The following CTIF variants were observed in gnomAD, a reference collection of about 807,000 sequenced individuals.
CTIF encodes cap binding complex dependent translation initiation factor.
CTIF carries 21 observed loss-of-function variants against 66.0 expected under a neutral mutation model. The ratio of observed to expected loss-of-function variants is 0.32; its 90% CI spans 0.23 to 0.46. CTIF has a LOEUF of 0.46. Ranked by LOEUF, CTIF falls within the 20% of genes least tolerant of loss-of-function variation. CTIF has a pLI of 1.00. For missense variants in CTIF, 739 were observed against 812.7 expected, an observed-to-expected ratio of 0.91 and a Z score of 1.10; for synonymous variants, 345 against 326.4, an observed-to-expected ratio of 1.06 and a Z score of -0.62.
chr18:48,670,633 C>T, intron 5 of CTIF, 36 bp from the exon 6 acceptor site: 1 of 1,583,052 alleles, frequency 6.3e-7, no homozygotes, highest in Non-Finnish European at 8.7e-7. Context: ...ATGAATGAGC[C>T]ATCTTTCCAA....
intron 1 of CTIF, among the ~76,000 whole-genome samples, chr18:48,564,401 G>A (rs1489634481): frequency 6.6e-6 from 1 of 152,186 alleles, no homozygotes; most frequent in Non-Finnish European, 1.5e-5. Context: ...ACCTGCTGCA[G>A]GCGGCCTTCG....
chr18:48,611,533 G>A (rs767579503), intron 1 of CTIF, among the ~76,000 whole-genome samples: 4 of 152,228 alleles, frequency 2.6e-5, no homozygotes, highest in African/African-American at 4.8e-5. Context: ...TAAAGAAGAC[G>A]TGCAAGATTT....
chr18:48,577,096 G>A (rs1411297952), intron 1 of CTIF, among the ~76,000 whole-genome samples: 2 of 152,234 alleles, frequency 1.3e-5, no homozygotes, highest in Non-Finnish European at 2.9e-5. Context: ...CTTGAGGTTG[G>A]AGACGTGAGG....
intron 10 of CTIF, among the ~76,000 whole-genome samples, chr18:48,841,727 G>A (rs2068947819): frequency 6.6e-6 from 1 of 152,120 alleles, no homozygotes; most frequent in African/African-American, 2.4e-5. Context: ...CGGTGCCTGG[G>A]AAGCGCTCAC....
At chr18:48,730,694 TGAGGTGTGAGGGGCTTCC>T (rs72069567) in intron 7 of CTIF, among the ~76,000 whole-genome samples, 1,673 of 44,030 alleles carry the variant, frequency 0.038, 279 homozygotes, top group East Asian at 0.19. Flanking sequence ...GAGGAGCCCC[TGAGGTGTGAGGGGCTTCC>T]GCGGTGTGAG....
intron 10 of CTIF, among the ~76,000 whole-genome samples, chr18:48,818,877 AG>A (rs1354669421): frequency 6.6e-6 from 1 of 152,144 alleles, no homozygotes; most frequent in Admixed American, 6.5e-5. Flanking sequence ...AGGTGAGGAC[AG>A]GAGTGTGGAC....
At chr18:48,688,994 G>A (rs1368943865) in intron 6 of CTIF, among the ~76,000 whole-genome samples, 5 of 152,224 alleles carry the variant, frequency 3.3e-5, no homozygotes, top group South Asian at 4.1e-4. Context: ...CGAGGTTCCC[G>A]GGGCCCCACT....
At chr18:48,797,666 G>C (rs1443562101) in intron 9 of CTIF, among the ~76,000 whole-genome samples, 2 of 151,460 alleles carry the variant, frequency 1.3e-5, no homozygotes, top group African/African-American at 4.9e-5. Context: ...GGGGTGGGGG[G>C]ATGCTCTGAG....
intron 1 of CTIF, among the ~76,000 whole-genome samples, chr18:48,592,752 C>T (rs1599203514): frequency 6.6e-6 from 1 of 152,178 alleles, no homozygotes; most frequent in South Asian, 2.1e-4. Context: ...CTGAGGATAG[C>T]GATTAGCAGG....
At chr18:48,846,473 G>A (rs765368402) in intron 10 of CTIF, among the ~76,000 whole-genome samples, 11 of 151,492 alleles carry the variant, frequency 7.3e-5, no homozygotes, top group Non-Finnish European at 1.3e-4. Flanking sequence ...ATGAGTAGAT[G>A]GGTAGATAGA....
At chr18:48,824,895 G>T (rs1411401297) in intron 10 of CTIF, among the ~76,000 whole-genome samples, 1 of 152,118 alleles carries the variant, frequency 6.6e-6, no homozygotes, top group African/African-American at 2.4e-5. Context: ...GGCCACCTCG[G>T]CCTCCCAAAG....
rs75398052 is a variant in CTIF, at chr18:48,730,534, T to A, written c.584+18839T>A. Among the ~76,000 whole-genome samples, 5 of 13,052 alleles carry A rather than the reference T, an allele frequency of 3.8e-4. 1 individual carries two copies. Among genetic ancestry groups the A allele is most frequent in the Non-Finnish European group, 5.5e-4 (4 of 7,316 alleles). 8.6% of individuals were successfully genotyped at this position (13,052 alleles called of 152,430 possible). A position where few individuals can be genotyped will look rare whatever the true frequency, so the allele number is the denominator to read the frequency against. ...GCTTCTGCGGTGTGAGGGGCCCCTG[T>A]GGTGTGAGGGGCTTCTGCTGTGTGA... On this transcript the variant is annotated intron_variant, in intron 7 of 11. Coordinates refer to ENST00000256413, the MANE Select transcript of CTIF (RefSeq NM_014772.3).
chr18:48,748,474 G>T lies in CTIF; in HGVS notation c.585-9445G>T, dbSNP rs558703084. ...GAAGGAAAGCCAGAAGCCTAGAGGT[G>T]TGGGACAGCATGGGATAATGGAGGC... On this transcript the variant is annotated intron_variant, in intron 7 of 11. Transcript: ENST00000256413. Among the ~76,000 whole-genome samples, 4 of 152,272 alleles carry T rather than the reference G, an allele frequency of 2.6e-5. No homozygotes were observed. In the South Asian group the frequency reaches 8.3e-4, roughly 32 times the overall value.
chr18:48,791,665 GC>G (rs2146137474), intron 9 of CTIF, among the ~76,000 whole-genome samples: 1 of 152,350 alleles, frequency 6.6e-6, no homozygotes. Context: ...CAAGCAGCCT[GC>G]CCCGTCTCAA....
rs1383778675 is a variant in CTIF, at chr18:48,715,358, C to T, written c.584+3663C>T. ...TTTGTTTTTGGAAGCTAAGAAAAGA[C>T]ATTTGCTGATTTCAGACAAAATTAT... On this transcript the variant is annotated intron_variant, in intron 7 of 11. Coordinates refer to ENST00000256413, the MANE Select transcript of CTIF (RefSeq NM_014772.3). 2.0e-5 allele frequency among the ~76,000 whole-genome samples: 3 copies of T among 152,304 alleles called. No homozygotes were observed. In the South Asian group the frequency reaches 6.2e-4, roughly 32 times the overall value.
chr18:48,754,534 A>T (rs1284679055), intron 7 of CTIF, among the ~76,000 whole-genome samples: 2 of 152,232 alleles, frequency 1.3e-5, no homozygotes, highest in Non-Finnish European at 2.9e-5. Flanking sequence ...CTCCAGTGGC[A>T]TCTGGGTTCT....
At chr18:48,603,168 G>GGATGGATA (rs2090130035) in intron 1 of CTIF, among the ~76,000 whole-genome samples, 1 of 149,926 alleles carries the variant, frequency 6.7e-6, no homozygotes, top group African/African-American at 2.5e-5. Context: ...ATGGATGGTT[G>GGATGGATA]GATGGATAGA....
At chr18:48,676,635 C>T (rs948201432) in intron 6 of CTIF, among the ~76,000 whole-genome samples, 9 of 152,052 alleles carry the variant, frequency 5.9e-5, no homozygotes, top group Admixed American at 2.6e-4. Flanking sequence ...GGATTTCTGG[C>T]CTTAGGGATG....
intron 7 of CTIF, among the ~76,000 whole-genome samples, chr18:48,749,482 C>A (rs1463298289): frequency 6.6e-6 from 1 of 152,202 alleles, no homozygotes; most frequent in Non-Finnish European, 1.5e-5. Context: ...TCTTCCTTGA[C>A]CTAACATTTG....
Sources: allele counts gnomAD v4.1 joint callset (sites outside exome capture counted in the v4.1 genomes callset), GRCh38; gene constraint gnomAD v4.1.1; transcripts MANE v1.5; gene names NCBI Gene and HGNC (gene_info 2026-07-23, HGNC 2026-07-21).